The following ICAM2 variants were observed in gnomAD, a reference collection of about 807,000 sequenced individuals.
ICAM2 encodes intercellular adhesion molecule 2.
ICAM2 carries 14 observed loss-of-function variants against 19.1 expected under a neutral mutation model. The ratio of observed to expected loss-of-function variants is 0.73; its 90% CI spans 0.48 to 1.15. The LOEUF is 1.15. ICAM2 is among the 50% of genes most tolerant of loss of function. The pLI is 0.00. For synonymous variants in ICAM2, 153 were observed against 152.7 expected (o/e 1.00, Z -0.01); for missense variants, 311 against 355.4 (o/e 0.88, Z 1.00).
At chr17:64,018,148 A>G (rs943753645) in intron 1 of ICAM2, among the ~76,000 whole-genome samples, 37 of 152,152 alleles carry the variant, frequency 2.4e-4, no homozygotes, top group African/African-American at 6.7e-4. Context: ...CCTGGCCAAC[A>G]TGGTGAAACC....
At position 64,015,329 on chromosome 17, in the gene ICAM2, T is replaced by C. The variant is rs937529321; in HGVS notation, c.-45+5194A>G. Among the ~76,000 whole-genome samples the C allele has an allele frequency of 2.1e-4, 32 of 152,156 alleles. 1 individual carries two copies. The highest frequency in any genetic ancestry group is 7.3e-5 in the Non-Finnish European group (5 of 68,030). On this transcript the variant is annotated intron_variant, in intron 1 of 4. Coordinates refer to ENST00000579788, the MANE Select transcript of ICAM2 (RefSeq NM_001099789.2). Reference sequence around the variant, plus strand: ...ACTATAAAAAAGTTATGCTACAACATAGGAATTGAAGTAGATCAAGTCTTA... The same window carrying C: ...ACTATAAAAAAGTTATGCTACAACACAGGAATTGAAGTAGATCAAGTCTTA...
Position 64,006,636 on chromosome 17 carries a change from C to T in ICAM2, c.56G>A (p.Cys19Tyr), listed in dbSNP as rs766158646. The T allele has an allele frequency of 6.5e-5, 105 of 1,613,986 alleles. 1 individual carries two copies. In the Admixed American group the frequency reaches 1.7e-3, roughly 27 times the overall value. Residue 19 changes from cysteine to tyrosine, a missense_variant, in exon 2 of 5, where the codon TGT (cysteine) becomes TAT (tyrosine). Physicochemically the swap from Cys to Tyr is radical, Grantham distance 194. Transcript: ENST00000579788. ...ACCCCAGGAAACTGGCTTACCTGGACAGCAGATCAGGGTGAAGAGGGCCAC... is the reference window on the plus strand; with the variant it reads ...ACCCCAGGAAACTGGCTTACCTGGATAGCAGATCAGGGTGAAGAGGGCCAC... The part of the protein sequence containing the change: ...LTVALFTLIC[C>Y]PGSDEKVFEV...
At chr17:64,012,505 C>G (rs758944320) in intron 1 of ICAM2, among the ~76,000 whole-genome samples, 9 of 152,120 alleles carry the variant, frequency 5.9e-5, no homozygotes, top group Non-Finnish European at 1.2e-4. Flanking sequence ...GTGGCTGAAG[C>G]AGGAGAATTG....
intron 3 of ICAM2, chr17:64,004,794 G>A (rs1911090327): frequency 8.7e-6 from 4 of 459,344 alleles, no homozygotes; most frequent in Non-Finnish European, 1.6e-5. Context: ...CCACTACTTG[G>A]CATGGGACAT....
rs1567843178 is a variant in ICAM2, at chr17:64,002,836, T to C, written c.739A>G (p.Ile247Val). 1 of 1,613,774 alleles carries C rather than the reference T, an allele frequency of 6.2e-7. No individual in the cohort carries two copies. Among genetic ancestry groups the C allele is most frequent in the African/African-American group, 1.3e-5 (1 of 74,896 alleles). ...TGCTGGCGCAAGTGCTGGCCGAAGA[T>C]GAAGCAGAGCAGGACAGATGTCACG... ...LFVTSVLLCF[I>V]FGQHLRQQRM... The change falls in exon 5 of 5, where the codon ATC becomes GTC. Residue 247 changes from isoleucine to valine, a missense_variant. Physicochemically the swap from Ile to Val is conservative, Grantham distance 29. Coordinates refer to ENST00000579788, the MANE Select transcript of ICAM2 (RefSeq NM_001099789.2).
chr17:64,003,588 CCGAGGGGCTGAAAG>C, intron 4 of ICAM2, 42 bp downstream of exon 4: 1 of 1,529,012 alleles, frequency 6.5e-7, no homozygotes, highest in Non-Finnish European at 8.9e-7. Context: ...TTTTCTTCCC[CCGAGGGGCTGAAAG>C]TGACTTATCA....
At chr17:64,007,018 C>T in intron 1 of ICAM2, 1 of 307,256 alleles carries the variant, frequency 3.3e-6, no homozygotes, top group Non-Finnish European at 6.1e-6. Context: ...AGGGGAGAGT[C>T]AGGCCTACAA....
intron 1 of ICAM2, among the ~76,000 whole-genome samples, chr17:64,015,328 A>G (rs1567850117): frequency 6.6e-6 from 1 of 152,212 alleles, no homozygotes; most frequent in Non-Finnish European, 1.5e-5. Flanking sequence ...ATGCTACAAC[A>G]TAGGAATTGA....
At chr17:64,009,741 C>T (rs1364760080) in intron 1 of ICAM2, among the ~76,000 whole-genome samples, 1 of 152,172 alleles carries the variant, frequency 6.6e-6, no homozygotes, top group African/African-American at 2.4e-5. Flanking sequence ...GCCTATTGCC[C>T]CAGAATTATG....
At chr17:64,003,619 A>T in intron 4 of ICAM2, 25 bp downstream of exon 4, 1 of 1,597,084 alleles carries the variant, frequency 6.3e-7, no homozygotes, top group Non-Finnish European at 8.5e-7. Flanking sequence ...ATCACTCCCA[A>T]CTCCATCCAC....
intron 1 of ICAM2, among the ~76,000 whole-genome samples, chr17:64,015,365 A>C (rs551486963): frequency 6.6e-6 from 1 of 152,210 alleles, no homozygotes; most frequent in Non-Finnish European, 1.5e-5. Context: ...GACAAATATA[A>C]CTTACCAAAC....
In ICAM2 at chr17:64,005,204, A is replaced by G. The variant is rs991041079; in HGVS notation, c.231T>C (p.His77=). The change falls in exon 3 of 5, where the codon CAT becomes CAC. Residue 77 remains histidine (H), a synonymous_variant. Coordinates refer to ENST00000579788, the MANE Select transcript of ICAM2 (RefSeq NM_001099789.2). The part of the protein sequence containing the change: ...ILLDEQAQWK[H]YLVSNISHDT... The stretch of plus-strand genomic sequence containing the variant: ...CATGGGAGATGTTTGAGACCAAGTA[A>G]TGTTTCCACTGAGCCTGTTCGTCCA... 5.0e-6 allele frequency: 8 copies of G among 1,613,956 alleles called. No individual in the cohort carries two copies. The highest frequency in any genetic ancestry group is 1.1e-5 in the South Asian group (1 of 91,086).
intron 1 of ICAM2, among the ~76,000 whole-genome samples, chr17:64,019,044 T>A (rs1166763561): frequency 6.6e-6 from 1 of 152,180 alleles, no homozygotes; most frequent in East Asian, 1.9e-4. Context: ...CTGTGTGACC[T>A]TGAGCAAATC....
intron 1 of ICAM2, among the ~76,000 whole-genome samples, chr17:64,009,458 CT>C (rs1911355556): frequency 6.6e-6 from 1 of 152,028 alleles, no homozygotes; most frequent in South Asian, 2.1e-4. Context: ...CAAAGGTTTT[CT>C]TTTTTTGAGA....
intron 2 of ICAM2, chr17:64,005,852 T>A (rs11655833): frequency 0.061 from 11,114 of 182,488 alleles, 481 homozygotes; most frequent in Non-Finnish European, 0.091. Context: ...GATACAGCAG[T>A]GATCACAGTA....
At chr17:64,008,917 C>G (rs576936630) in intron 1 of ICAM2, among the ~76,000 whole-genome samples, 1 of 152,214 alleles carries the variant, frequency 6.6e-6, no homozygotes, top group Non-Finnish European at 1.5e-5. Context: ...TGCAGCCCAA[C>G]GTCCTCCCCG....
At chr17:64,005,474 A>C in intron 2 of ICAM2, 101 bp from the exon 3 acceptor site, 2 of 1,360,792 alleles carry the variant, frequency 1.5e-6, no homozygotes, top group Non-Finnish European at 2.0e-6. Context: ...TCAGGGACTG[A>C]AGAGGAAAGG....
Position 64,005,090 on chromosome 17 carries a change from G to A in ICAM2, c.328+17C>T, listed in dbSNP as rs570610626. 2.7e-5 allele frequency: 44 copies of A among 1,613,846 alleles called. No homozygotes were observed. Among genetic ancestry groups the A allele is most frequent in the Admixed American group, 2.0e-4 (12 of 60,008 alleles). ...CTGTCCCAGGGGAGAGGAGGGCCCC[G>A]CAGCACAGCCACTCACGGTACACGC... On this transcript the variant is annotated intron_variant, in intron 3 of 4. Coordinates refer to ENST00000579788, the MANE Select transcript of ICAM2 (RefSeq NM_001099789.2).
In ICAM2 at chr17:64,005,225, G is replaced by A. The variant is rs779550006; in HGVS notation, c.210C>T (p.Asp70=). 28 of 1,614,030 alleles carry A rather than the reference G, an allele frequency of 1.7e-5. No homozygotes were observed. The highest frequency in any genetic ancestry group is 6.6e-5 in the South Asian group (6 of 91,082). The change falls in exon 3 of 5, where the codon GAC becomes GAT. Residue 70 remains aspartate, a synonymous_variant. Coordinates refer to ENST00000579788, the MANE Select transcript of ICAM2 (RefSeq NM_001099789.2). ...LETSLDKILL[D]EQAQWKHYLV... is the part of the protein sequence containing the mutation. The stretch of plus-strand genomic sequence containing the variant: ...AGTAATGTTTCCACTGAGCCTGTTC[G>A]TCCAGCAGAATCTTATCTAGAGAGG...
Sources: allele counts gnomAD v4.1 joint callset (sites outside exome capture counted in the v4.1 genomes callset), GRCh38; gene constraint gnomAD v4.1.1; transcripts MANE v1.5; gene names NCBI Gene and HGNC (gene_info 2026-07-23, HGNC 2026-07-21).